Variants in RNF121 observed in about 807,000 individuals in gnomAD.
RNF121 encodes ring finger protein 121.
A neutral mutation model predicts 46.5 loss-of-function variants in RNF121; 21 were observed. That is an observed-to-expected ratio of 0.45 (90% CI 0.32 to 0.65). RNF121 has a LOEUF of 0.65. Among genes scored for constraint, RNF121 ranks in the 30% least tolerant of loss-of-function variants. RNF121 has a pLI of 0.04. For synonymous variants in RNF121, 139 were observed against 144.7 expected, an observed-to-expected ratio of 0.96 and a Z score of 0.28; for missense variants, 346 against 416.0, an observed-to-expected ratio of 0.83 and a Z score of 1.46.
intron 1 of RNF121, among the ~76,000 whole-genome samples, chr11:71,938,240 A>G (rs1953467701): frequency 2.0e-5 from 3 of 152,102 alleles, no homozygotes; most frequent in Admixed American, 6.5e-5. Flanking sequence ...TTTTAGTAAC[A>G]GGAATAGCTA....
intron 1 of RNF121, among the ~76,000 whole-genome samples, chr11:71,937,900 T>G (rs1405006660): frequency 9.8e-5 from 15 of 152,332 alleles, no homozygotes. Flanking sequence ...TGAAGTCATT[T>G]GCTACCTCTA....
At chr11:71,967,656 C>T (rs1198419396) in intron 3 of RNF121, among the ~76,000 whole-genome samples, 1 of 152,066 alleles carries the variant, frequency 6.6e-6, no homozygotes, top group Non-Finnish European at 1.5e-5. Context: ...CTCCTGACCT[C>T]GTGATCTGCC....
chr11:71,966,972 C>T (rs988223768), intron 3 of RNF121, among the ~76,000 whole-genome samples: 17 of 148,728 alleles, frequency 1.1e-4, no homozygotes, highest in African/African-American at 3.7e-4. Context: ...CCCGGGTTCA[C>T]GCCATTCTCC....
chr11:71,960,108 C>G (rs1253092064), intron 2 of RNF121, among the ~76,000 whole-genome samples: 1 of 152,208 alleles, frequency 6.6e-6, no homozygotes, highest in Non-Finnish European at 1.5e-5. Flanking sequence ...GCTGTACTCT[C>G]TAGTTACTAA....
At chr11:71,968,862 C>G (rs915158381) in intron 3 of RNF121, among the ~76,000 whole-genome samples, 2 of 149,736 alleles carry the variant, frequency 1.3e-5, no homozygotes, top group Non-Finnish European at 3.0e-5. Flanking sequence ...GTACATCCTC[C>G]TAGGATTTTT....
intron 8 of RNF121, among the ~76,000 whole-genome samples, chr11:71,995,910 G>T (rs2134225973): frequency 6.6e-6 from 1 of 152,226 alleles, no homozygotes; most frequent in South Asian, 2.1e-4. Context: ...CTCTCTCAGG[G>T]CTGCCCTGCC....
chr11:71,946,819 TCTC>T (rs897925228), intron 1 of RNF121, among the ~76,000 whole-genome samples: 14 of 151,370 alleles, frequency 9.2e-5, no homozygotes, highest in African/African-American at 2.9e-4. Context: ...TTCAAGTGGT[TCTC>T]CTGCTTCAGC....
At chr11:71,989,853 C>CT (rs201080311) in intron 5 of RNF121, among the ~76,000 whole-genome samples, 1 of 152,106 alleles carries the variant, frequency 6.6e-6, no homozygotes, top group Non-Finnish European at 1.5e-5. Context: ...CTAATTTTAT[C>CT]TTTTTTTCTT....
At chr11:71,950,597 A>AG (rs1174557646) in intron 1 of RNF121, among the ~76,000 whole-genome samples, 1 of 152,038 alleles carries the variant, frequency 6.6e-6, no homozygotes, top group African/African-American at 2.4e-5. Flanking sequence ...TTAAAAAAAA[A>AG]AAATTGTTGA....
At chr11:71,933,214 A>G (rs991660086) in intron 1 of RNF121, among the ~76,000 whole-genome samples, 5 of 152,144 alleles carry the variant, frequency 3.3e-5, no homozygotes, top group African/African-American at 9.7e-5. Flanking sequence ...AAGCACTTCA[A>G]TACCCAATAG....
intron 1 of RNF121, among the ~76,000 whole-genome samples, chr11:71,952,321 A>G (rs1034155806): frequency 6.6e-6 from 1 of 152,232 alleles, no homozygotes; most frequent in Non-Finnish European, 1.5e-5. Flanking sequence ...GGCTGCAGGG[A>G]ACATGGAGAG....
In RNF121 at chr11:71,973,134, C is replaced by T. The variant is rs190182345; in HGVS notation, c.244-9627C>T. ...CCAAGAGGCGGAGGTTGTGGTGAGC[C>T]GAGACTGTGCCTTTGCACTCCAGCC... On this transcript the variant is annotated intron_variant, in intron 3 of 8. Coordinates refer to ENST00000361756, the MANE Select transcript of RNF121 (RefSeq NM_018320.5). Among the ~76,000 whole-genome samples, 679 of 151,468 alleles carry T rather than the reference C, an allele frequency of 4.5e-3. 2 individuals are homozygous for T. The highest frequency in any genetic ancestry group is 0.016 in the African/African-American group (655 of 41,234).
intron 1 of RNF121, among the ~76,000 whole-genome samples, chr11:71,946,988 C>A (rs1953741315): frequency 6.6e-6 from 1 of 151,284 alleles, no homozygotes. Flanking sequence ...CTGCCTCAGC[C>A]TCCCTAGTAG....
chr11:71,930,259 A>G (rs888144899), intron 1 of RNF121, among the ~76,000 whole-genome samples: 2 of 152,182 alleles, frequency 1.3e-5, no homozygotes, highest in African/African-American at 4.8e-5. Context: ...TCAGAGATAG[A>G]ACCAGTGAGA....
intron 3 of RNF121, among the ~76,000 whole-genome samples, chr11:71,963,225 A>G (rs778058822): frequency 1.3e-5 from 2 of 151,428 alleles, no homozygotes; most frequent in Admixed American, 1.3e-4. Flanking sequence ...GAAGTTCAGT[A>G]TATCTATTTT....
chr11:71,992,838 T>G (rs758821699), intron 6 of RNF121, among the ~76,000 whole-genome samples: 110 of 2,626 alleles, frequency 0.042, no homozygotes, highest in Admixed American at 0.16. Flanking sequence ...ATTTCTATTT[T>G]TTTTTTCAGA....
At chr11:71,974,761 T>C (rs1954492715) in intron 3 of RNF121, among the ~76,000 whole-genome samples, 1 of 152,160 alleles carries the variant, frequency 6.6e-6, no homozygotes, top group African/African-American at 2.4e-5. Flanking sequence ...CTCAACCTCC[T>C]CTTAAGTCTC....
chr11:71,960,977 C>A, intron 3 of RNF121, 86 bp downstream of exon 3: 1 of 1,441,088 alleles, frequency 6.9e-7, no homozygotes, highest in Non-Finnish European at 9.5e-7. Flanking sequence ...TAACCCAGGC[C>A]ACATGGAGGT....
intron 5 of RNF121, among the ~76,000 whole-genome samples, chr11:71,988,652 A>AAAG (rs1554991904): frequency 1.1e-4 from 17 of 150,236 alleles, no homozygotes; most frequent in African/African-American, 4.2e-4. Flanking sequence ...AAAAAAAAAA[A>AAAG]AAAGAAAGAA....
Sources: gnomAD v4.1 joint callset for allele counts (sites outside exome capture counted in the v4.1 genomes callset) on GRCh38, gnomAD v4.1.1 for gene constraint, MANE v1.5 for transcripts, NCBI Gene and HGNC (gene_info 2026-07-23, HGNC 2026-07-21) for gene names.